The following HHAT variants were observed in gnomAD, a reference collection of about 807,000 sequenced individuals.
HHAT encodes hedgehog acyltransferase, also known as protein-cysteine N-palmitoyltransferase HHAT.
Under a neutral mutation model 70.8 loss-of-function variants are expected in HHAT, and 47 were observed. The ratio of observed to expected loss-of-function variants is 0.66; its 90% CI spans 0.53 to 0.85. The LOEUF is 0.85. Among genes scored for constraint, HHAT ranks in the 40% least tolerant of loss-of-function variants. HHAT has a pLI of 0.00. For synonymous variants in HHAT, 228 were observed against 247.6 expected (o/e 0.92, Z 0.74); for missense variants, 609 against 604.8 (o/e 1.01, Z -0.07).
chr1:210,499,604 C>T (rs1386399751), intron 8 of HHAT, among the ~76,000 whole-genome samples: 4 of 151,562 alleles, frequency 2.6e-5, no homozygotes, highest in Admixed American at 2.6e-4. Flanking sequence ...GATTGTGCCA[C>T]TGCACTCCAA....
intron 8 of HHAT, among the ~76,000 whole-genome samples, chr1:210,505,191 G>A (rs1387512987): frequency 8.5e-5 from 13 of 152,158 alleles, no homozygotes; most frequent in Non-Finnish European, 1.8e-4. Context: ...GAACCACCAT[G>A]CCTGGCCCAA....
chr1:210,463,525 T>A (rs776364531), intron 7 of HHAT, among the ~76,000 whole-genome samples: 1 of 152,228 alleles, frequency 6.6e-6, no homozygotes, highest in Non-Finnish European at 1.5e-5. Context: ...ACAGACCACA[T>A]TGTGTCTATC....
intron 7 of HHAT, among the ~76,000 whole-genome samples, chr1:210,454,668 C>T (rs773850245): frequency 1.3e-5 from 2 of 152,168 alleles, no homozygotes; most frequent in African/African-American, 4.8e-5. Flanking sequence ...TTTCTTGAAT[C>T]AAGTACAAGA....
chr1:210,417,466 C>T (rs2148269964), intron 6 of HHAT, among the ~76,000 whole-genome samples: 1 of 152,290 alleles, frequency 6.6e-6, no homozygotes, highest in East Asian at 1.9e-4. Flanking sequence ...AACTCCTGAC[C>T]TCAGGTGATC....
chr1:210,657,723 C>T (rs1676738419), intron 11 of HHAT, among the ~76,000 whole-genome samples: 1 of 152,154 alleles, frequency 6.6e-6, no homozygotes, highest in African/African-American at 2.4e-5. Context: ...CTCTTTATGG[C>T]ATTTTCATTT....
intron 6 of HHAT, among the ~76,000 whole-genome samples, chr1:210,406,529 A>G (rs1285801874): frequency 6.6e-6 from 1 of 151,826 alleles, no homozygotes; most frequent in African/African-American, 2.4e-5. Flanking sequence ...GAGTAGCTGG[A>G]TTACAGGCAT....
chr1:210,488,502 C>T (rs575328246), intron 8 of HHAT, among the ~76,000 whole-genome samples: 29 of 152,266 alleles, frequency 1.9e-4, no homozygotes, highest in African/African-American at 6.5e-4. Context: ...GATGTTTTCC[C>T]GTTTTATTCA....
Position 210,362,892 on chromosome 1 carries a change from T to C in HHAT, c.132T>C (p.Thr44=). The change falls in exon 3 of 12, where the codon ACT becomes ACC. Residue 44 remains threonine, a synonymous_variant. Coordinates refer to ENST00000261458, the MANE Select transcript of HHAT (RefSeq NM_018194.6). The stretch of plus-strand genomic sequence containing the variant: ...TGGACCAGGAATTTGAGCTGGAGAC[T>C]GACACTTTATTTGGAGGATTAAAGA... ...EELDQEFELE[T]DTLFGGLKKD... 6.2e-7 allele frequency: 1 copy of C among 1,613,658 alleles called. No homozygotes were observed. Among genetic ancestry groups the C allele is most frequent in the Non-Finnish European group, 8.5e-7 (1 of 1,179,560 alleles).
At chr1:210,331,104 G>A (rs1207200488) in intron 1 of HHAT, among the ~76,000 whole-genome samples, 1 of 152,104 alleles carries the variant, frequency 6.6e-6, no homozygotes, top group Non-Finnish European at 1.5e-5. Flanking sequence ...GGGATTACAG[G>A]TGTGAATCAC....
At chr1:210,573,333 G>C (rs1039353776) in intron 9 of HHAT, among the ~76,000 whole-genome samples, 5 of 152,112 alleles carry the variant, frequency 3.3e-5, no homozygotes, top group Admixed American at 3.3e-4. Context: ...CTTTTCAAGG[G>C]TCCTGACCCC....
At chr1:210,511,711 C>T (rs1483985551) in intron 8 of HHAT, among the ~76,000 whole-genome samples, 1 of 151,796 alleles carries the variant, frequency 6.6e-6, no homozygotes, top group Non-Finnish European at 1.5e-5. Flanking sequence ...ATGCAACCAC[C>T]ACCCGTTAGG....
At chr1:210,586,043 T>G (rs1438660530) in intron 9 of HHAT, among the ~76,000 whole-genome samples, 1 of 152,160 alleles carries the variant, frequency 6.6e-6, no homozygotes, top group Admixed American at 6.5e-5. Flanking sequence ...GACTAAAGTT[T>G]AGTCAAGGAG....
At chr1:210,346,288 T>G (rs1343790818) in intron 1 of HHAT, among the ~76,000 whole-genome samples, 1 of 152,146 alleles carries the variant, frequency 6.6e-6, no homozygotes, top group Non-Finnish European at 1.5e-5. Flanking sequence ...GCTAATCAGA[T>G]TCTTCATGAG....
chr1:210,564,500 A>G (rs1008085904), intron 9 of HHAT, among the ~76,000 whole-genome samples: 17 of 152,250 alleles, frequency 1.1e-4, no homozygotes, highest in African/African-American at 3.9e-4. Context: ...GGTGAACAGA[A>G]CAGTTTCCTG....
chr1:210,663,375 G>A lies in HHAT; in HGVS notation c.1391-10913G>A, dbSNP rs1288394527. Among the ~76,000 whole-genome samples, 4 of 152,292 alleles carry A rather than the reference G, an allele frequency of 2.6e-5. 1 individual carries two copies. The East Asian group carries it at 5.8e-4, about 22-fold the overall frequency. ...AAGGAAAAGAATCCTGGCCAGCAAC[G>A]TTCACCATGTGACCTGAAGCAAGCT... On this transcript the variant is annotated intron_variant, in intron 11 of 11. Transcript: ENST00000261458.
rs566647832 is a variant in HHAT at position 210,460,293 on chromosome 1, G to A, written c.857-4212G>A. Among the ~76,000 whole-genome samples, 5 of 152,310 alleles carry A rather than the reference G, an allele frequency of 3.3e-5. No homozygotes were observed. In the East Asian group the frequency reaches 9.6e-4, roughly 29 times the overall value. ...ATATGGGATGAAAGATACAGTTGCA[G>A]CCATTGTTGGGAAGTCATTCTGTCA... On this transcript the variant is annotated intron_variant, in intron 7 of 11. Coordinates refer to ENST00000261458, the MANE Select transcript of HHAT (RefSeq NM_018194.6).
At position 210,598,070 on chromosome 1, in the gene HHAT, C is replaced by T. The variant is rs139959209; in HGVS notation, c.1245+9971C>T. ...TTTATTTTGTCAGGACTGCATCCTT[C>T]CCTTCAAAGCAGTGGGTTCCCTTTT... On this transcript the variant is annotated intron_variant, in intron 10 of 11. Transcript: ENST00000261458. Among the ~76,000 whole-genome samples the T allele has an allele frequency of 3.9e-4, 59 of 151,982 alleles. 2 individuals carry two copies. The East Asian group carries it at 9.7e-3, about 25-fold the overall frequency.
intron 11 of HHAT, among the ~76,000 whole-genome samples, chr1:210,642,639 A>G (rs1013070004): frequency 1.2e-4 from 19 of 152,322 alleles, no homozygotes; most frequent in African/African-American, 1.7e-4. Flanking sequence ...AGCCATCTGT[A>G]TACTCTTTTC....
rs959782743 is a variant in HHAT, at chr1:210,432,623, T to G, written c.856+14298T>G. ...ATGATGACTTAACTGCCACGTAGTC[T>G]TAGATGGCCTTGCTATCACATAGCC... is the stretch of plus-strand genomic sequence containing the variant. On this transcript the variant is annotated intron_variant, in intron 7 of 11. Transcript: ENST00000261458. 3.3e-5 allele frequency among the ~76,000 whole-genome samples: 5 copies of G among 151,940 alleles called. 1 individual carries two copies. The highest frequency in any genetic ancestry group is 1.2e-4 in the African/African-American group (5 of 41,200).
Sources: allele counts gnomAD v4.1 joint callset (sites outside exome capture counted in the v4.1 genomes callset), GRCh38; gene constraint gnomAD v4.1.1; transcripts MANE v1.5; gene names NCBI Gene and HGNC (gene_info 2026-07-23, HGNC 2026-07-21).